Variants in ZNF83 observed in about 807,000 individuals in gnomAD.
ZNF83 encodes zinc finger protein 816B.
For synonymous variants in ZNF83, 209 were observed against 213.0 expected (o/e 0.98, Z 0.17); for missense variants, 552 against 629.9 (o/e 0.88, Z 1.32).
chr19:52,682,887 T>C (rs1353126888), intron 1 of ZNF83, among the ~76,000 whole-genome samples: 1 of 152,030 alleles, frequency 6.6e-6, no homozygotes, highest in Non-Finnish European at 1.5e-5. Flanking sequence ...TCTTTTTTTT[T>C]CTAGATGGAG....
intron 2 of ZNF83, among the ~76,000 whole-genome samples, chr19:52,634,171 C>T (rs1396353831): frequency 2.6e-5 from 4 of 151,962 alleles, no homozygotes; most frequent in Non-Finnish European, 4.4e-5. Flanking sequence ...ACTCAGGAGG[C>T]TGAGGTAGGA....
chr19:52,687,571 AT>A (rs1568588665), intron 1 of ZNF83, among the ~76,000 whole-genome samples: 14 of 36,462 alleles, frequency 3.8e-4, no homozygotes, highest in African/African-American at 1.6e-3. Flanking sequence ...TTATATATAT[AT>A]AAATTTTATA....
chr19:52,653,632 CCA>C (rs1307601439), intron 3 of ZNF83, among the ~76,000 whole-genome samples: 1 of 152,172 alleles, frequency 6.6e-6, no homozygotes, highest in East Asian at 1.9e-4. Flanking sequence ...GAAGGTCTTA[CCA>C]CACTCATTAC....
intron 2 of ZNF83, among the ~76,000 whole-genome samples, chr19:52,623,628 C>G (rs1235865625): frequency 1.3e-5 from 2 of 152,060 alleles, no homozygotes; most frequent in Admixed American, 6.5e-5. Context: ...TGTATCCCCC[C>G]ACCTTAACCC....
chr19:52,672,260 A>G (rs756114247), intron 1 of ZNF83, among the ~76,000 whole-genome samples: 12 of 152,192 alleles, frequency 7.9e-5, no homozygotes, highest in Non-Finnish European at 1.8e-4. Flanking sequence ...AAATAAAATG[A>G]AATTATAAAT....
chr19:52,676,250 C>G (rs1031262281), intron 1 of ZNF83, among the ~76,000 whole-genome samples: 1 of 152,170 alleles, frequency 6.6e-6, no homozygotes. Flanking sequence ...CCCGAGGTGC[C>G]GGGATTGCAG....
At chr19:52,645,650 T>C (rs944508091) in intron 3 of ZNF83, among the ~76,000 whole-genome samples, 22 of 151,892 alleles carry the variant, frequency 1.4e-4, no homozygotes, top group Non-Finnish European at 1.8e-4. Context: ...CTACTGAAAA[T>C]ACAAAAATTA....
At chr19:52,613,060 C>T (rs765662100) in exon 3 of ZNF83, 17 of 1,610,080 alleles carry the variant, frequency 1.1e-5, no homozygotes, top group East Asian at 2.2e-5. Flanking sequence ...TCTCTGATGA[C>T]GTACAAGATA....
At chr19:52,643,735 GA>G (rs1381194986) in intron 3 of ZNF83, among the ~76,000 whole-genome samples, 1 of 150,868 alleles carries the variant, frequency 6.6e-6, no homozygotes, top group African/African-American at 2.4e-5. Context: ...TGAGTAACGT[GA>G]GAGACTGACA....
At chr19:52,688,380 T>A (rs917695867) in intron 1 of ZNF83, among the ~76,000 whole-genome samples, 6 of 151,548 alleles carry the variant, frequency 4.0e-5, no homozygotes, top group African/African-American at 1.5e-4. Flanking sequence ...CACTATGTTG[T>A]GCAGGCTGGT....
chr19:52,637,927 G>A (rs2061206672), intron 1 of ZNF83, among the ~76,000 whole-genome samples: 1 of 152,182 alleles, frequency 6.6e-6, no homozygotes, highest in South Asian at 2.1e-4. Context: ...AAAGTACGCG[G>A]CCTCCCTGGG....
chr19:52,635,352 C>A (rs1323439653), intron 1 of ZNF83, 199 bp from the exon 2 acceptor site: 1 of 323,546 alleles, frequency 3.1e-6, no homozygotes, highest in Non-Finnish European at 5.6e-6. Flanking sequence ...CTGGAGGAGT[C>A]CACACACGCT....
chr19:52,653,093 G>C, intron 3 of ZNF83: 1 of 1,476,756 alleles, frequency 6.8e-7, no homozygotes, highest in Non-Finnish European at 9.4e-7. Context: ...ATTGCCTTAT[G>C]AATTAGAAGG....
chr19:52,631,427 T>G (rs2060956661), intron 2 of ZNF83, among the ~76,000 whole-genome samples: 2 of 152,330 alleles, frequency 1.3e-5, no homozygotes, highest in Admixed American at 1.3e-4. Flanking sequence ...GTGCAGCAGC[T>G]GCTGCCGCCC....
At chr19:52,624,267 C>T (rs781099165) in intron 2 of ZNF83, among the ~76,000 whole-genome samples, 1 of 152,130 alleles carries the variant, frequency 6.6e-6, no homozygotes, top group Non-Finnish European at 1.5e-5. Context: ...ATTTATTCTC[C>T]AAAGGATATC....
rs544859547 is a variant in ZNF83, at chr19:52,687,084, G to A, written c.-283+3359C>T. 2.6e-5 allele frequency among the ~76,000 whole-genome samples: 4 copies of A among 151,514 alleles called. No homozygotes were observed. In the East Asian group the frequency reaches 7.9e-4, roughly 30 times the overall value. On this transcript the variant is annotated intron_variant, in intron 1 of 5. Transcript: ENST00000594682. ...TAATCCCAACTACTCAGGAGGCTAA[G>A]GCAGGAGAATTGCTTGAACCCAGAA...
upstream of ZNF83, among the ~76,000 whole-genome samples, chr19:52,639,187 A>G (rs867018139): frequency 2.0e-5 from 3 of 151,942 alleles, no homozygotes; most frequent in African/African-American, 7.2e-5. Context: ...CCCAGGTTCA[A>G]TCGATTCTCA....
At chr19:52,687,878 TG>T (rs2062073953) in intron 1 of ZNF83, among the ~76,000 whole-genome samples, 1 of 151,288 alleles carries the variant, frequency 6.6e-6, no homozygotes, top group Non-Finnish European at 1.5e-5. Context: ...AAGTGATTTT[TG>T]TTGCACTTCA....
chr19:52,678,628 G>T (rs1367955967), intron 1 of ZNF83, among the ~76,000 whole-genome samples: 1 of 151,928 alleles, frequency 6.6e-6, no homozygotes, highest in African/African-American at 2.4e-5. Flanking sequence ...ACTAGCAAAT[G>T]CCAGGCCCTC....
Sources: allele counts gnomAD v4.1 joint callset (sites outside exome capture counted in the v4.1 genomes callset), GRCh38; gene constraint gnomAD v4.1.1; transcripts MANE v1.5; gene names NCBI Gene and HGNC (gene_info 2026-07-23, HGNC 2026-07-21).